PAPPA2: variants seen among roughly 807,000 people sequenced by gnomAD.
PAPPA2 encodes the protein pappalysin 2, also known as pappalysin-2.
In PAPPA2, 86 loss-of-function variants were observed where a neutral mutation model predicts 176.4. The ratio of observed to expected loss-of-function variants is 0.49; its 90% CI spans 0.41 to 0.58. The LOEUF (loss-of-function observed/expected upper bound fraction) is 0.58. Ranked by LOEUF, PAPPA2 falls within the 20% of genes least tolerant of loss-of-function variation. The pLI is 0.00. For synonymous variants in PAPPA2, 809 were observed against 852.2 expected (o/e 0.95, Z 0.88); for missense variants, 2,073 against 2,256.9 (o/e 0.92, Z 1.65).
At chr1:176,477,077 C>G (rs1258719955) in intron 1 of PAPPA2, among the ~76,000 whole-genome samples, 1 of 152,154 alleles carries the variant, frequency 6.6e-6, no homozygotes. Flanking sequence ...TCAAGGGAAG[C>G]CTTTCAATCT....
At chr1:176,639,970 C>G (rs1271853456) in intron 3 of PAPPA2, among the ~76,000 whole-genome samples, 1 of 151,090 alleles carries the variant, frequency 6.6e-6, no homozygotes, top group Non-Finnish European at 1.5e-5. Context: ...GATTATTTTT[C>G]TAATCATGAA....
intron 3 of PAPPA2, 115 bp from the exon 4 acceptor site, chr1:176,670,855 C>T: frequency 1.5e-6 from 2 of 1,365,104 alleles, no homozygotes; most frequent in Non-Finnish European, 2.0e-6. Flanking sequence ...CCCCATGCCC[C>T]TCCAAAAGGT....
chr1:176,475,485 A>G (rs1055344123), intron 1 of PAPPA2, among the ~76,000 whole-genome samples: 1 of 152,222 alleles, frequency 6.6e-6, no homozygotes, highest in Non-Finnish European at 1.5e-5. Context: ...TACCTCCTTT[A>G]GTAAGCACTG....
intron 4 of PAPPA2, among the ~76,000 whole-genome samples, chr1:176,677,092 GTTC>G (rs2102784204): frequency 6.6e-6 from 1 of 152,224 alleles, no homozygotes; most frequent in Middle Eastern, 3.4e-3. Flanking sequence ...AATTGTTTGT[GTTC>G]TTATTTATTT....
intron 3 of PAPPA2, among the ~76,000 whole-genome samples, chr1:176,650,629 A>G (rs926919723): frequency 6.6e-5 from 10 of 151,514 alleles, no homozygotes; most frequent in Admixed American, 2.6e-4. Flanking sequence ...TCATTGTTCA[A>G]TTCCCACCTT....
intron 14 of PAPPA2, among the ~76,000 whole-genome samples, chr1:176,745,208 C>G (rs1222952772): frequency 6.6e-6 from 1 of 152,136 alleles, no homozygotes; most frequent in East Asian, 1.9e-4. Flanking sequence ...GTAGAGGGTG[C>G]TAGATAGACA....
At chr1:176,649,980 T>C (rs1047804413) in intron 3 of PAPPA2, among the ~76,000 whole-genome samples, 5 of 151,606 alleles carry the variant, frequency 3.3e-5, no homozygotes, top group African/African-American at 9.7e-5. Context: ...AATCTGTCCA[T>C]TACTCAGAAT....
rs567015518 is a variant in PAPPA2, at chr1:176,738,606, C to T, written c.3799-1020C>T. Reference sequence around the variant, plus strand: ...CCTGATAAAAAGCTATAGAAATGCACGTAGAACTTTGTAAGGTTCAGTTCC... The same window carrying T: ...CCTGATAAAAAGCTATAGAAATGCATGTAGAACTTTGTAAGGTTCAGTTCC... On this transcript the variant is annotated intron_variant, in intron 12 of 22. Transcript: ENST00000367662. Among the ~76,000 whole-genome samples, 13 of 152,198 alleles carry T rather than the reference C, an allele frequency of 8.5e-5. 1 individual carries two copies. The highest frequency in any genetic ancestry group is 1.9e-4 in the African/African-American group (8 of 41,544).
intron 3 of PAPPA2, among the ~76,000 whole-genome samples, chr1:176,664,774 A>C (rs1315629980): frequency 6.6e-6 from 1 of 152,200 alleles, no homozygotes; most frequent in South Asian, 2.1e-4. Flanking sequence ...TCATTTCCAC[A>C]TGAATTAGCA....
chr1:176,684,539 G>A (rs1013331592), intron 4 of PAPPA2, among the ~76,000 whole-genome samples: 3 of 152,032 alleles, frequency 2.0e-5, no homozygotes, highest in Non-Finnish European at 2.9e-5. Flanking sequence ...ATGGAATCTC[G>A]TCCCTACCCC....
At chr1:176,824,423 C>T (rs571286422) in intron 21 of PAPPA2, among the ~76,000 whole-genome samples, 2 of 152,314 alleles carry the variant, frequency 1.3e-5, no homozygotes, top group East Asian at 3.9e-4. Context: ...AAGTGATGCT[C>T]ATTTTATTCT....
At chr1:176,538,081 A>T (rs1220696969) in intron 1 of PAPPA2, among the ~76,000 whole-genome samples, 1 of 152,132 alleles carries the variant, frequency 6.6e-6, no homozygotes, top group African/African-American at 2.4e-5. Context: ...CCTTCTCAAT[A>T]TAGTAATCCA....
intron 1 of PAPPA2, among the ~76,000 whole-genome samples, chr1:176,468,593 G>A (rs541060579): frequency 6.6e-6 from 1 of 152,266 alleles, no homozygotes; most frequent in South Asian, 2.1e-4. Context: ...GGGGTTCAGA[G>A]GCAGGTGTGA....
chr1:176,685,009 G>T (rs1452399931), intron 4 of PAPPA2, among the ~76,000 whole-genome samples: 1 of 151,752 alleles, frequency 6.6e-6, no homozygotes, highest in Non-Finnish European at 1.5e-5. Flanking sequence ...TGATGAGGTT[G>T]TTCTCCTACT....
intron 22 of PAPPA2, among the ~76,000 whole-genome samples, chr1:176,841,688 T>C (rs757152481): frequency 4.0e-4 from 61 of 152,202 alleles, no homozygotes; most frequent in Admixed American, 3.1e-3. Context: ...ATCTCTGGCA[T>C]GAGGAAGAGA....
In PAPPA2 at chr1:176,705,891, C is replaced by A. The variant is rs538304223; in HGVS notation, c.3366-468C>A. Among the ~76,000 whole-genome samples, 4 of 152,268 alleles carry A rather than the reference C, an allele frequency of 2.6e-5. No homozygotes were observed. In the East Asian group the frequency reaches 7.7e-4, roughly 29 times the overall value. ...TACAAAATCCTAATTTTTATAACAA[C>A]TGCACCTTTATGTAACAAAACAATG... On this transcript the variant is annotated intron_variant, in intron 9 of 22. Transcript: ENST00000367662.
At chr1:176,624,863 C>A (rs1042023468) in intron 3 of PAPPA2, among the ~76,000 whole-genome samples, 1 of 152,100 alleles carries the variant, frequency 6.6e-6, no homozygotes, top group Admixed American at 6.5e-5. Context: ...TGGGACAGAG[C>A]AACTTAACCA....
chr1:176,837,524 GT>G (rs1667321394), intron 21 of PAPPA2, among the ~76,000 whole-genome samples: 1 of 127,982 alleles, frequency 7.8e-6, no homozygotes, highest in Non-Finnish European at 1.7e-5. Flanking sequence ...AGATATTTTT[GT>G]TTTACCAAGA....
At chr1:176,532,885 C>G (rs902681590) in intron 1 of PAPPA2, among the ~76,000 whole-genome samples, 4 of 152,190 alleles carry the variant, frequency 2.6e-5, no homozygotes, top group African/African-American at 9.6e-5. Flanking sequence ...ACACCTATTG[C>G]CCACCCCCTG....
Sources: allele counts gnomAD v4.1 joint callset (sites outside exome capture counted in the v4.1 genomes callset), GRCh38; gene constraint gnomAD v4.1.1; transcripts MANE v1.5; gene names NCBI Gene and HGNC (gene_info 2026-07-23, HGNC 2026-07-21).